The following LRRTM4 variants were observed in gnomAD, a reference collection of about 807,000 sequenced individuals.
LRRTM4 encodes leucine rich repeat transmembrane neuronal 4, also known as leucine-rich repeat transmembrane neuronal protein 4.
In LRRTM4, 25 loss-of-function variants were observed where a neutral mutation model predicts 47.6. The observed-to-expected ratio is 0.53, with a 90% CI of 0.38 to 0.73. LRRTM4 has a LOEUF of 0.73. Among genes scored for constraint, LRRTM4 ranks in the 30% least tolerant of loss-of-function variants. LRRTM4 has a pLI of 0.00. For missense variants in LRRTM4, 638 were observed against 713.4 expected, an observed-to-expected ratio of 0.89 and a Z score of 1.20; for synonymous variants, 311 against 269.5, an observed-to-expected ratio of 1.15 and a Z score of -1.51.
chr2:76,924,989 C>G (rs1573321075), intron 3 of LRRTM4, among the ~76,000 whole-genome samples: 1 of 152,068 alleles, frequency 6.6e-6, no homozygotes, highest in African/African-American at 2.4e-5. Flanking sequence ...ATCCCCTGTT[C>G]TTGGGTGAGA....
At chr2:77,069,714 G>A (rs1680087067) in intron 3 of LRRTM4, among the ~76,000 whole-genome samples, 2 of 147,612 alleles carry the variant, frequency 1.4e-5, no homozygotes, top group Admixed American at 1.4e-4. Flanking sequence ...AGAGCACAGG[G>A]CCTTCTAAAG....
At chr2:76,878,401 T>C (rs779526762) in intron 3 of LRRTM4, among the ~76,000 whole-genome samples, 5 of 152,006 alleles carry the variant, frequency 3.3e-5, no homozygotes, top group Non-Finnish European at 5.9e-5. Flanking sequence ...GAGTTCAATA[T>C]GTCTAACTTT....
At chr2:77,092,408 T>A (rs1670676844) in intron 3 of LRRTM4, among the ~76,000 whole-genome samples, 2 of 149,620 alleles carry the variant, frequency 1.3e-5, no homozygotes, top group Non-Finnish European at 2.9e-5. Flanking sequence ...AAAGGCAGGT[T>A]ATGCTATAGT....
intron 3 of LRRTM4, among the ~76,000 whole-genome samples, chr2:77,202,104 G>A (rs1297704832): frequency 6.6e-6 from 1 of 152,114 alleles, no homozygotes; most frequent in East Asian, 1.9e-4. Flanking sequence ...TGTCAGGTGA[G>A]AGGATACCAG....
chr2:77,289,270 G>T (rs921485199), intron 3 of LRRTM4, among the ~76,000 whole-genome samples: 6 of 151,894 alleles, frequency 4.0e-5, no homozygotes, highest in African/African-American at 1.4e-4. Flanking sequence ...TACTAATACA[G>T]AATAGAGGTT....
intron 3 of LRRTM4, among the ~76,000 whole-genome samples, chr2:77,453,368 A>G (rs1227053464): frequency 2.6e-5 from 4 of 151,732 alleles, no homozygotes; most frequent in Admixed American, 2.6e-4. Flanking sequence ...TTTTTAGTAG[A>G]GACGGGGTTC....
chr2:77,037,876 G>A (rs894119853), intron 3 of LRRTM4, among the ~76,000 whole-genome samples: 6 of 151,666 alleles, frequency 4.0e-5, no homozygotes, highest in Admixed American at 2.0e-4. Flanking sequence ...TTGGTAGGAA[G>A]TACACATTTA....
chr2:76,822,424 A>G (rs1319693505), intron 3 of LRRTM4, among the ~76,000 whole-genome samples: 1 of 151,556 alleles, frequency 6.6e-6, no homozygotes, highest in Admixed American at 6.6e-5. Flanking sequence ...AGAGAGTAAA[A>G]AGAAAAAATT....
chr2:77,423,198 T>C (rs1472958698), intron 3 of LRRTM4, among the ~76,000 whole-genome samples: 1 of 152,172 alleles, frequency 6.6e-6, no homozygotes, highest in South Asian at 2.1e-4. Context: ...TACTTACCAT[T>C]TAAGTTTTTT....
chr2:77,497,592 C>A (rs1678412118), intron 3 of LRRTM4, among the ~76,000 whole-genome samples: 1 of 151,356 alleles, frequency 6.6e-6, no homozygotes, highest in Non-Finnish European at 1.5e-5. Context: ...TATATTCACA[C>A]ACACACCCAC....
chr2:77,479,493 C>T (rs1677567987), intron 3 of LRRTM4, among the ~76,000 whole-genome samples: 2 of 152,294 alleles, frequency 1.3e-5, no homozygotes, highest in Admixed American at 6.5e-5. Context: ...ACAGTGTGCA[C>T]CGTAGCAGGA....
chr2:77,123,176 C>T (rs1404212418), intron 3 of LRRTM4, among the ~76,000 whole-genome samples: 7 of 142,090 alleles, frequency 4.9e-5, no homozygotes, highest in Admixed American at 4.9e-4. Flanking sequence ...AATGAACAAG[C>T]CAAAAAAAAG....
At chr2:76,887,680 C>A (rs1409953443) in intron 3 of LRRTM4, among the ~76,000 whole-genome samples, 6 of 128,254 alleles carry the variant, frequency 4.7e-5, no homozygotes, top group African/African-American at 6.0e-5. Context: ...TATATATGTG[C>A]ACATATGTCA....
chr2:76,837,396 C>T (rs373081113), intron 3 of LRRTM4, among the ~76,000 whole-genome samples: 8 of 151,820 alleles, frequency 5.3e-5, no homozygotes, highest in South Asian at 2.1e-4. Flanking sequence ...CTGCTCTGAT[C>T]TTAGTTATTT....
chr2:77,225,398 G>C (rs1281232425), intron 3 of LRRTM4, among the ~76,000 whole-genome samples: 1 of 149,260 alleles, frequency 6.7e-6, no homozygotes, highest in Non-Finnish European at 1.5e-5. Context: ...CATAACTAGT[G>C]TATGCGGATG....
chr2:77,151,387 G>T (rs965251383), intron 3 of LRRTM4, among the ~76,000 whole-genome samples: 6 of 152,166 alleles, frequency 3.9e-5, no homozygotes, highest in African/African-American at 1.4e-4. Flanking sequence ...GTTTGACCAT[G>T]ATAGATGCCT....
intron 3 of LRRTM4, among the ~76,000 whole-genome samples, chr2:76,960,280 C>G (rs1427268384): frequency 6.6e-6 from 1 of 151,494 alleles, no homozygotes; most frequent in Non-Finnish European, 1.5e-5. Flanking sequence ...AGAGAGATAA[C>G]AGTATATGTA....
At chr2:77,211,271 A>C (rs913150293) in intron 3 of LRRTM4, among the ~76,000 whole-genome samples, 48 of 152,184 alleles carry the variant, frequency 3.2e-4, no homozygotes, top group African/African-American at 1.1e-3. Flanking sequence ...GGAAGGACAG[A>C]TAAGGGGACA....
At chr2:77,511,661 A>G (rs1679007676) in intron 3 of LRRTM4, among the ~76,000 whole-genome samples, 1 of 152,016 alleles carries the variant, frequency 6.6e-6, no homozygotes, top group Non-Finnish European at 1.5e-5. Context: ...GAAAGAAAAT[A>G]TACTAATATT....
Sources: allele counts gnomAD v4.1 joint callset (sites outside exome capture counted in the v4.1 genomes callset), GRCh38; gene constraint gnomAD v4.1.1; transcripts MANE v1.5; gene names NCBI Gene and HGNC (gene_info 2026-07-23, HGNC 2026-07-21).